Variants in RABGAP1L observed in about 807,000 individuals in gnomAD.
RABGAP1L encodes the protein rab GTPase-activating protein 1-like.
A neutral mutation model predicts 137.7 loss-of-function variants in RABGAP1L; 63 were observed. That is an observed-to-expected ratio of 0.46 (90% CI 0.37 to 0.56). RABGAP1L has a LOEUF of 0.56. RABGAP1L is among the 20% of genes least tolerant of loss of function. The probability of loss-of-function intolerance (pLI) is 0.00; values close to 1 mark genes in which losing one functional copy is unlikely to be tolerated. For synonymous variants in RABGAP1L, 431 were observed against 433.7 expected, an observed-to-expected ratio of 0.99 and a Z score of 0.08; for missense variants, 1,095 against 1,244.0, an observed-to-expected ratio of 0.88 and a Z score of 1.80.
At chr1:174,649,027 G>A (rs910477881) in intron 14 of RABGAP1L, among the ~76,000 whole-genome samples, 1 of 151,994 alleles carries the variant, frequency 6.6e-6, no homozygotes, top group South Asian at 2.1e-4. Flanking sequence ...TGCCACCCCT[G>A]CTTTTTTTTG....
At chr1:174,419,279 C>T (rs1650972942) in intron 13 of RABGAP1L, among the ~76,000 whole-genome samples, 1 of 152,134 alleles carries the variant, frequency 6.6e-6, no homozygotes, top group African/African-American at 2.4e-5. Flanking sequence ...TTCAGTAGAT[C>T]TGGGATAGAG....
intron 11 of RABGAP1L, among the ~76,000 whole-genome samples, chr1:174,354,720 C>G (rs989991209): frequency 1.9e-4 from 29 of 152,146 alleles, no homozygotes; most frequent in Admixed American, 1.7e-3. Flanking sequence ...GTGTTTTAGA[C>G]ATGAAGTCCT....
intron 11 of RABGAP1L, among the ~76,000 whole-genome samples, chr1:174,314,846 G>A (rs1385915838): frequency 1.3e-5 from 2 of 152,010 alleles, no homozygotes; most frequent in Non-Finnish European, 2.9e-5. Context: ...CACTGTGGTC[G>A]AGAAGATGCT....
chr1:174,227,978 C>G (rs1333384400), intron 3 of RABGAP1L, among the ~76,000 whole-genome samples: 1 of 151,838 alleles, frequency 6.6e-6, no homozygotes, highest in Non-Finnish European at 1.5e-5. Context: ...GCCCAAGGAA[C>G]TTCCTTTAAC....
intron 13 of RABGAP1L, among the ~76,000 whole-genome samples, chr1:174,628,618 G>A (rs1673094170): frequency 6.6e-6 from 1 of 152,182 alleles, no homozygotes; most frequent in African/African-American, 2.4e-5. Flanking sequence ...ACTTGTCTGA[G>A]ATCCTATAGG....
At chr1:174,480,832 C>T (rs192186969) in intron 13 of RABGAP1L, among the ~76,000 whole-genome samples, 276 of 152,316 alleles carry the variant, frequency 1.8e-3, no homozygotes, top group Non-Finnish European at 1.7e-3. Context: ...GAATACTGGA[C>T]CAAATGACCT....
intron 11 of RABGAP1L, among the ~76,000 whole-genome samples, chr1:174,362,400 A>C (rs1011410340): frequency 6.6e-6 from 1 of 152,194 alleles, no homozygotes; most frequent in Non-Finnish European, 1.5e-5. Flanking sequence ...TCCCACCAAC[A>C]GTGTATAAGC....
intron 19 of RABGAP1L, among the ~76,000 whole-genome samples, chr1:174,864,605 T>TGGGG (rs1463758340): frequency 6.6e-6 from 1 of 152,096 alleles, no homozygotes; most frequent in Non-Finnish European, 1.5e-5. Context: ...AAGAACAGCA[T>TGGGG]GGGGGAACCA....
chr1:174,962,017 A>T lies in RABGAP1L; in HGVS notation c.2433+4468A>T, dbSNP rs555305400. Among the ~76,000 whole-genome samples, 36 of 150,746 alleles carry T rather than the reference A, an allele frequency of 2.4e-4. 3 individuals carry two copies. Among genetic ancestry groups the T allele is most frequent in the African/African-American group, 6.8e-4 (28 of 41,122 alleles). ...CTAAAAAATAAATAAATAAAAATAT[A>T]AAAAAAAATTAGCCAGGCGTGGTGG... On this transcript the variant is annotated intron_variant, in intron 20 of 25. Transcript: ENST00000681986.
chr1:174,637,582 A>G (rs1252744588), intron 14 of RABGAP1L, 94 bp downstream of exon 14: 1 of 853,098 alleles, frequency 1.2e-6, no homozygotes, highest in Non-Finnish European at 1.9e-6. Context: ...TTCATTTCTT[A>G]TTTGCACTAT....
At chr1:174,561,986 A>G (rs1667248072) in intron 13 of RABGAP1L, among the ~76,000 whole-genome samples, 1 of 152,246 alleles carries the variant, frequency 6.6e-6, no homozygotes, top group Non-Finnish European at 1.5e-5. Flanking sequence ...AATGGCAACA[A>G]AAGCCAAAAT....
chr1:174,250,510 C>G lies in RABGAP1L; in HGVS notation c.753C>G (p.Phe251Leu). 1 of 1,613,450 alleles carries G rather than the reference C, an allele frequency of 6.2e-7. No individual in the cohort carries two copies. Among genetic ancestry groups the G allele is most frequent in the Non-Finnish European group, 8.5e-7 (1 of 1,179,580 alleles). Residue 251 changes from phenylalanine (F) to leucine (L), a missense_variant, in exon 6 of 26, where the codon TTC (phenylalanine) becomes TTG (leucine). Phe to Leu is a conservative substitution (Grantham distance 22, BLOSUM62 0). Around this residue, in one of 4 missense-constraint regions of RABGAP1L, gnomAD observed 356 missense variants for 326.3 expected, o/e 1.09. Coordinates refer to ENST00000681986, the MANE Select transcript of RABGAP1L (RefSeq NM_001366446.1). ...SRILYSFCTA[F>L]KRSSRQVSDV... ...TTTTGTACAGTTTCTGTACAGCATTCAAACGTTCTTCCAGACAAGTGTCTG... is the reference window on the plus strand; with the variant it reads ...TTTTGTACAGTTTCTGTACAGCATTGAAACGTTCTTCCAGACAAGTGTCTG...
chr1:174,554,799 A>C (rs991567300), intron 13 of RABGAP1L, among the ~76,000 whole-genome samples: 2 of 152,204 alleles, frequency 1.3e-5, no homozygotes, highest in African/African-American at 4.8e-5. Context: ...TTAAAGGAAG[A>C]AAATGAAAGT....
chr1:174,208,953 A>G (rs996810028), intron 1 of RABGAP1L, among the ~76,000 whole-genome samples: 1 of 152,192 alleles, frequency 6.6e-6, no homozygotes, highest in Non-Finnish European at 1.5e-5. Flanking sequence ...GCAGTCCCCA[A>G]CCTTTTTGGC....
At chr1:174,234,180 G>T (rs1319632008) in intron 4 of RABGAP1L, among the ~76,000 whole-genome samples, 2 of 104,876 alleles carry the variant, frequency 1.9e-5, no homozygotes, top group African/African-American at 1.2e-4. Flanking sequence ...TTTGTCAGAT[G>T]AGTAGGTTGT....
intron 19 of RABGAP1L, among the ~76,000 whole-genome samples, chr1:174,941,420 G>T (rs1449732223): frequency 1.3e-5 from 2 of 152,134 alleles, no homozygotes; most frequent in Non-Finnish European, 2.9e-5. Context: ...TAGCATAAAG[G>T]ATGTCAGAAA....
chr1:174,805,391 T>C (rs1183073955), intron 18 of RABGAP1L, among the ~76,000 whole-genome samples: 3 of 152,250 alleles, frequency 2.0e-5, no homozygotes, highest in Non-Finnish European at 4.4e-5. Context: ...TGAAATGTAA[T>C]TGGTAAACAT....
At chr1:174,885,636 G>A (rs1433059628) in intron 19 of RABGAP1L, among the ~76,000 whole-genome samples, 1 of 150,532 alleles carries the variant, frequency 6.6e-6, no homozygotes, top group Non-Finnish European at 1.5e-5. Flanking sequence ...GATTACAAGC[G>A]TGAGCTACCA....
intron 11 of RABGAP1L, among the ~76,000 whole-genome samples, chr1:174,308,247 GTATA>G (rs1354621385): frequency 6.6e-6 from 1 of 151,708 alleles, no homozygotes; most frequent in Non-Finnish European, 1.5e-5. Context: ...ATACATATCT[GTATA>G]TATACACACA....
Sources: allele counts gnomAD v4.1 joint callset (sites outside exome capture counted in the v4.1 genomes callset), GRCh38; gene constraint gnomAD v4.1.1; regional missense constraint gnomAD v4.1.1; transcripts MANE v1.5; gene names NCBI Gene and HGNC (gene_info 2026-07-23, HGNC 2026-07-21).